Variants in MYO5B observed in about 807,000 individuals in gnomAD.
MYO5B encodes the protein unconventional myosin-Vb.
A neutral mutation model predicts 229.3 loss-of-function variants in MYO5B; 143 were observed. The observed-to-expected ratio is 0.62, with a 90% CI of 0.54 to 0.72. MYO5B has a LOEUF of 0.72. MYO5B is among the 30% of genes least tolerant of loss of function. MYO5B has a pLI of 0.00. For missense variants in MYO5B, 2,321 were observed against 2,331.0 expected (o/e 1.00, Z 0.09); for synonymous variants, 918 against 885.2 (o/e 1.04, Z -0.66).
chr18:50,040,400 AC>A, intron 2 of MYO5B, 86 bp from the exon 3 acceptor site: 1 of 1,241,220 alleles, frequency 8.1e-7, no homozygotes, highest in Non-Finnish European at 1.2e-6. Context: ...AGCTGGAATC[AC>A]CATCTTAACA....
At chr18:50,053,602 C>T (rs1195400481) in intron 2 of MYO5B, among the ~76,000 whole-genome samples, 1 of 152,058 alleles carries the variant, frequency 6.6e-6, no homozygotes, top group Non-Finnish European at 1.5e-5. Context: ...TTGTGCTTCT[C>T]ATCTCAAAAG....
chr18:50,018,495 T>C (rs933372650), intron 4 of MYO5B, among the ~76,000 whole-genome samples: 2 of 152,184 alleles, frequency 1.3e-5, no homozygotes, highest in Non-Finnish European at 2.9e-5. Flanking sequence ...TTAAACTGGA[T>C]TAACATGGTC....
At position 49,849,631 on chromosome 18, in the gene MYO5B, T is replaced by C; in HGVS notation, c.4251A>G (p.Glu1417=). The change falls in exon 32 of 40, where the codon GAA becomes GAG. Residue 1417 remains glutamate, a synonymous_variant. Coordinates refer to ENST00000285039, the MANE Select transcript of MYO5B (RefSeq NM_001080467.3). ...LDLKELVEKL[E]KNERKLKKQL... ...GCTTTTTGAGCTTCCTCTCATTCTT[T>C]TCCAGCTTTTCTACCAGTTCTTTAA... The C allele has an allele frequency of 6.2e-7, 1 of 1,613,918 alleles. No individual in the cohort carries two copies. The highest frequency in any genetic ancestry group is 8.5e-7 in the Non-Finnish European group (1 of 1,179,894).
At chr18:50,003,823 T>G (rs76118164) in intron 4 of MYO5B, among the ~76,000 whole-genome samples, 3,640 of 152,312 alleles carry the variant, frequency 0.024, 50 homozygotes, top group Non-Finnish European at 0.03. Context: ...CCAGTTAGAA[T>G]GCAGAAGTAT....
At chr18:49,990,635 A>G in intron 6 of MYO5B, 115 bp from the exon 7 acceptor site, 1 of 820,012 alleles carries the variant, frequency 1.2e-6, no homozygotes, top group Non-Finnish European at 2.1e-6. Context: ...CACTCTTCCC[A>G]GTGTTTTCCT....
chr18:49,874,393 GC>G (rs1169044300), intron 26 of MYO5B, among the ~76,000 whole-genome samples: 1 of 152,200 alleles, frequency 6.6e-6, no homozygotes, highest in African/African-American at 2.4e-5. Flanking sequence ...CATCTGTGTA[GC>G]TTTTCATAGA....
In MYO5B at chr18:50,194,943, A is replaced by G. The variant is rs1198700235; in HGVS notation, c.-150T>C. ...CCGACCTGCCCCGCCGGCTTCCCGCAGGCGCCGCGGCCGGCTCGCTCCCGG... is the reference window on the plus strand; with the variant it reads ...CCGACCTGCCCCGCCGGCTTCCCGCGGGCGCCGCGGCCGGCTCGCTCCCGG... On this transcript the variant is annotated 5_prime_UTR_variant, in exon 1 of 40. Coordinates refer to ENST00000285039, the MANE Select transcript of MYO5B (RefSeq NM_001080467.3). 1 of 1,121,120 alleles carries G rather than the reference A, an allele frequency of 8.9e-7. No homozygotes were observed. The highest frequency in any genetic ancestry group is 1.1e-6 in the Non-Finnish European group (1 of 895,954). The allele number at this position is 1,121,120 out of a possible 1,614,324, so 69.4% of individuals were successfully genotyped here. A position where few individuals can be genotyped will look rare whatever the true frequency, so the allele number is the denominator to read the frequency against.
chr18:50,088,611 A>G (rs2031381677), intron 1 of MYO5B, among the ~76,000 whole-genome samples: 1 of 152,248 alleles, frequency 6.6e-6, no homozygotes. Context: ...ACCCTCTTTC[A>G]AGGACTAGCT....
intron 14 of MYO5B, among the ~76,000 whole-genome samples, chr18:49,941,467 C>T (rs2025313228): frequency 6.6e-6 from 1 of 152,162 alleles, no homozygotes; most frequent in African/African-American, 2.4e-5. Flanking sequence ...TAATCCTATT[C>T]ACAATATGCA....
intron 17 of MYO5B, among the ~76,000 whole-genome samples, chr18:49,913,903 G>A (rs1391377818): frequency 1.3e-5 from 2 of 151,992 alleles, no homozygotes; most frequent in Non-Finnish European, 2.9e-5. Context: ...TCACCTGGGG[G>A]TGGTGGGAGA....
chr18:49,908,373 C>A (rs1471623897), intron 18 of MYO5B, among the ~76,000 whole-genome samples: 1 of 152,210 alleles, frequency 6.6e-6, no homozygotes, highest in African/African-American at 2.4e-5. Context: ...GAGAACCTTT[C>A]TCCAAGAGTC....
At chr18:49,861,743 AC>A (rs565453595) in intron 29 of MYO5B, among the ~76,000 whole-genome samples, 1 of 151,092 alleles carries the variant, frequency 6.6e-6, no homozygotes, top group Non-Finnish European at 1.5e-5. Flanking sequence ...AAGCTGTTCC[AC>A]CCCCCCGGGC....
At chr18:49,958,346 C>T (rs1172749547) in intron 12 of MYO5B, among the ~76,000 whole-genome samples, 1 of 152,210 alleles carries the variant, frequency 6.6e-6, no homozygotes, top group Admixed American at 6.5e-5. Flanking sequence ...GCGCACTCTG[C>T]AATTTCTCTT....
chr18:50,053,306 G>T (rs1316290516), intron 2 of MYO5B, among the ~76,000 whole-genome samples: 1 of 152,174 alleles, frequency 6.6e-6, no homozygotes, highest in Non-Finnish European at 1.5e-5. Context: ...GGAAGGAGGA[G>T]ATGGGGTCTG....
chr18:49,961,344 TA>T lies in MYO5B; in HGVS notation c.1545+921del, dbSNP rs564353164. Among the ~76,000 whole-genome samples the T allele has an allele frequency of 9.7e-3, 1,467 of 151,094 alleles. 8 individuals carry two copies. Among genetic ancestry groups the T allele is most frequent in the Non-Finnish European group, 0.014 (963 of 67,622 alleles). On this transcript the variant is annotated intron_variant, in intron 12 of 39. Coordinates refer to ENST00000285039, the MANE Select transcript of MYO5B (RefSeq NM_001080467.3). ...GAAATGCTAAAAACCTTCAGGAGGT[TA>T]AAAAAAAATATGCAAGCTGTAGAAC...
At chr18:50,115,439 T>A (rs2031940650) in intron 1 of MYO5B, among the ~76,000 whole-genome samples, 1 of 152,060 alleles carries the variant, frequency 6.6e-6, no homozygotes, top group African/African-American at 2.4e-5. Context: ...CATTCCTCAC[T>A]TACCAAATTA....
chr18:50,100,514 G>C (rs537173261), intron 1 of MYO5B, among the ~76,000 whole-genome samples: 2 of 152,304 alleles, frequency 1.3e-5, no homozygotes, highest in South Asian at 2.1e-4. Flanking sequence ...GCATGGTATG[G>C]AGGGAAGGGA....
chr18:49,902,165 G>A (rs549070478), intron 21 of MYO5B, among the ~76,000 whole-genome samples: 12 of 152,308 alleles, frequency 7.9e-5, no homozygotes, highest in African/African-American at 2.6e-4. Context: ...CTTTCTGGAC[G>A]CTCTAGGGGA....
chr18:50,182,175 A>G (rs771779890), intron 1 of MYO5B, among the ~76,000 whole-genome samples: 3 of 152,206 alleles, frequency 2.0e-5, no homozygotes, highest in Non-Finnish European at 4.4e-5. Flanking sequence ...CCTTCAGGCA[A>G]AAACTATGAG....
Sources: allele counts gnomAD v4.1 joint callset (sites outside exome capture counted in the v4.1 genomes callset), GRCh38; gene constraint gnomAD v4.1.1; transcripts MANE v1.5; gene names NCBI Gene and HGNC (gene_info 2026-07-23, HGNC 2026-07-21).